The following NDUFV2 variants were observed in gnomAD, a reference collection of about 807,000 sequenced individuals.
The protein encoded by NDUFV2 is NADH dehydrogenase [ubiquinone] flavoprotein 2, mitochondrial.
Under a neutral mutation model 31.6 loss-of-function variants are expected in NDUFV2, and 18 were observed. That is an observed-to-expected ratio of 0.57 (90% CI 0.39 to 0.84). The LOEUF (loss-of-function observed/expected upper bound fraction) is 0.84. NDUFV2 is among the 40% of genes least tolerant of loss of function. The pLI is 0.00. For missense variants in NDUFV2, 314 were observed against 303.6 expected (o/e 1.03, Z -0.26); for synonymous variants, 83 against 99.8 (o/e 0.83, Z 1.01).
At position 9,124,935 on chromosome 18, in the gene NDUFV2, A is replaced by AGGGGTCT. The variant is rs1246097749; in HGVS notation, c.535_536insTCTGGGG (p.Ala179ValfsTer14). The AGGGGTCT allele has an allele frequency of 6.2e-7, 1 of 1,613,382 alleles. No homozygotes were observed. Among genetic ancestry groups the AGGGGTCT allele is most frequent in the Non-Finnish European group, 8.5e-7 (1 of 1,179,612 alleles). ...TCACTCTTATAGAAGTGGAATGTTTAGGGGCCTGTGTGAACGCACCAATGG... is the reference window on the plus strand; with the variant it reads ...TCACTCTTATAGAAGTGGAATGTTTAGGGGTCTGGGGCCTGTGTGAACGCACCAATGG... On this transcript the variant is annotated frameshift_variant, in exon 6 of 8. Transcript: ENST00000318388. LOFTEE classifies it high-confidence loss of function.
At chr18:9,130,946 C>A (rs1178589467) in intron 7 of NDUFV2, among the ~76,000 whole-genome samples, 1 of 152,210 alleles carries the variant, frequency 6.6e-6, no homozygotes. Flanking sequence ...ACAGTTGACT[C>A]TTGAACACCA....
intron 7 of NDUFV2, among the ~76,000 whole-genome samples, chr18:9,130,031 G>A (rs1478847323): frequency 6.6e-6 from 1 of 152,116 alleles, no homozygotes; most frequent in Non-Finnish European, 1.5e-5. Flanking sequence ...GGGAAGAAAA[G>A]TCAAATTTTG....
chr18:9,122,645 TCTGACAGCATA>T lies in NDUFV2; in HGVS notation c.437_447del (p.Asp146GlyfsTer17). ...TACTACACCCTGCATGCTTCGAAAC[TCTGACAGCATA>T]CTGGAGGCCATTCAGAAAAAGCTTG... On this transcript the variant is annotated frameshift_variant, in exon 5 of 8. Coordinates refer to ENST00000318388, the MANE Select transcript of NDUFV2 (RefSeq NM_021074.5). LOFTEE classifies it high-confidence loss of function. 1 of 1,613,978 alleles carries T rather than the reference TCTGACAGCATA, an allele frequency of 6.2e-7. No individual in the cohort carries two copies. The highest frequency in any genetic ancestry group is 8.5e-7 in the Non-Finnish European group (1 of 1,179,894).
intron 1 of NDUFV2, among the ~76,000 whole-genome samples, chr18:9,110,510 T>A (rs2077864671): frequency 6.6e-6 from 1 of 152,156 alleles, no homozygotes; most frequent in African/African-American, 2.4e-5. Context: ...TATTGTTTGT[T>A]TACTTACTAC....
chr18:9,122,366 T>A, intron 4 of NDUFV2, 147 bp from the exon 5 acceptor site: 1 of 704,732 alleles, frequency 1.4e-6, no homozygotes, highest in Non-Finnish European at 2.4e-6. Flanking sequence ...CTCCCAGTTA[T>A]CCAAGACAAG....
At chr18:9,118,480 G>C (rs2077910467) in intron 2 of NDUFV2, among the ~76,000 whole-genome samples, 1 of 152,110 alleles carries the variant, frequency 6.6e-6, no homozygotes, top group Admixed American at 6.5e-5. Flanking sequence ...AGAGTTAGTG[G>C]TGTAAGAAGT....
chr18:9,112,021 T>TTG, intron 1 of NDUFV2, among the ~76,000 whole-genome samples: 1 of 148,890 alleles, frequency 6.7e-6, no homozygotes, highest in African/African-American at 2.5e-5. Flanking sequence ...AGAAGGGTTT[T>TTG]TTTTTTTTTT....
chr18:9,116,531 C>A (rs922562933), intron 1 of NDUFV2, among the ~76,000 whole-genome samples: 15 of 152,152 alleles, frequency 9.9e-5, no homozygotes, highest in Non-Finnish European at 2.2e-4. Context: ...ATCAAAGCCC[C>A]CTTGTGCACC....
chr18:9,117,693 A>T (rs2077905690), intron 1 of NDUFV2, 145 bp from the exon 2 acceptor site: 1 of 596,352 alleles, frequency 1.7e-6, no homozygotes, highest in South Asian at 2.0e-5. Flanking sequence ...CCTGAAATAG[A>T]GATGGATAGG....
chr18:9,121,130 G>A (rs2144744588), intron 4 of NDUFV2: 1 of 152,222 alleles, frequency 6.6e-6, no homozygotes, highest in East Asian at 1.9e-4. Flanking sequence ...TTGGATTTGT[G>A]TGGGGGAAAG....
chr18:9,124,902 C>T lies in NDUFV2; in HGVS notation c.498C>T (p.Asp166=), dbSNP rs1486294048. The change falls in exon 6 of 8, where the codon GAC becomes GAT. Residue 166 remains aspartate, a synonymous_variant. Coordinates refer to ENST00000318388, the MANE Select transcript of NDUFV2 (RefSeq NM_021074.5). The part of the protein sequence containing the change: ...LGIKVGETTP[D]KLFTLIEVEC... ...TAAAGGTTGGGGAGACTACACCTGA[C>T]AAACTTTTCACTCTTATAGAAGTGG... The T allele has an allele frequency of 6.2e-7, 1 of 1,612,150 alleles. No homozygotes were observed. Among genetic ancestry groups the T allele is most frequent in the African/African-American group, 1.3e-5 (1 of 74,614 alleles).
chr18:9,114,943 G>A (rs2077890697), intron 1 of NDUFV2, among the ~76,000 whole-genome samples: 1 of 152,134 alleles, frequency 6.6e-6, no homozygotes, highest in African/African-American at 2.4e-5. Context: ...TTAAGTAAAA[G>A]TACATGACAG....
At chr18:9,125,420 C>CATATTATATATGTGTCTA (rs2077980667) in intron 6 of NDUFV2, among the ~76,000 whole-genome samples, 1 of 152,074 alleles carries the variant, frequency 6.6e-6, no homozygotes, top group South Asian at 2.1e-4. Flanking sequence ...ATGTATGCAG[C>CATATTATATATGTGTCTA]TATACTAATA....
intron 7 of NDUFV2, among the ~76,000 whole-genome samples, chr18:9,128,808 G>A (rs1301538336): frequency 1.3e-5 from 2 of 151,944 alleles, no homozygotes; most frequent in South Asian, 4.2e-4. Flanking sequence ...TCACCTTTTG[G>A]GTACTCTAAA....
intron 7 of NDUFV2, among the ~76,000 whole-genome samples, 180 bp from the exon 8 acceptor site, chr18:9,134,006 A>G (rs562029489): frequency 2.0e-5 from 3 of 152,310 alleles, no homozygotes; most frequent in African/African-American, 4.8e-5. Flanking sequence ...ATGTTTTTCC[A>G]TATTTAAATT....
Position 9,122,618 on chromosome 18 carries a change from A to C in NDUFV2, c.406A>C (p.Thr136Pro), listed in dbSNP as rs747222475. Residue 136 changes from threonine (T) to proline (P), a missense_variant, in exon 5 of 8, where the codon ACT becomes CCT. Physicochemically the swap from Thr to Pro is conservative, Grantham distance 38 (BLOSUM62 -1). Transcript: ENST00000318388. ...TGGAAAGTATCACATTCAGGTCTGCACTACTACACCCTGCATGCTTCGAAA... is the reference window on the plus strand; with the variant it reads ...TGGAAAGTATCACATTCAGGTCTGCCCTACTACACCCTGCATGCTTCGAAA... ...PVGKYHIQVC[T>P]TTPCMLRNSD... 1.2e-6 allele frequency: 2 copies of C among 1,614,042 alleles called. No individual in the cohort carries two copies. The highest frequency in any genetic ancestry group is 1.7e-6 in the Non-Finnish European group (2 of 1,179,948).
At chr18:9,110,030 TTCAATTGGAC>T (rs2077862092) in intron 1 of NDUFV2, among the ~76,000 whole-genome samples, 1 of 152,212 alleles carries the variant, frequency 6.6e-6, no homozygotes, top group Admixed American at 6.5e-5. Context: ...TACTTGGATT[TTCAATTGGAC>T]TCAATTGGAA....
At chr18:9,132,607 T>C (rs2078049543) in intron 7 of NDUFV2, among the ~76,000 whole-genome samples, 1 of 152,160 alleles carries the variant, frequency 6.6e-6, no homozygotes, top group Non-Finnish European at 1.5e-5. Flanking sequence ...CCGGGCACAG[T>C]GGCTCACCTG....
At chr18:9,117,229 G>T (rs1224235890) in intron 1 of NDUFV2, among the ~76,000 whole-genome samples, 1 of 152,030 alleles carries the variant, frequency 6.6e-6, no homozygotes, top group Non-Finnish European at 1.5e-5. Context: ...TAGAGATGGG[G>T]TTTTACCATG....
Sources: gnomAD v4.1 joint callset for allele counts (sites outside exome capture counted in the v4.1 genomes callset) on GRCh38, gnomAD v4.1.1 for gene constraint, MANE v1.5 for transcripts, NCBI Gene and HGNC (gene_info 2026-07-23, HGNC 2026-07-21) for gene names.